CNTNAP5: variants seen among roughly 807,000 people sequenced by gnomAD.
CNTNAP5 encodes contactin-associated protein-like 5.
Under a neutral mutation model 150.2 loss-of-function variants are expected in CNTNAP5, and 72 were observed. That is an observed-to-expected ratio of 0.48 (90% CI 0.40 to 0.58). CNTNAP5 has a LOEUF of 0.58. Among genes scored for constraint, CNTNAP5 ranks in the 20% least tolerant of loss-of-function variants. The pLI, the probability that CNTNAP5 is intolerant of heterozygous loss-of-function variation, is 0.00. For synonymous variants in CNTNAP5, 672 were observed against 619.8 expected (o/e 1.08, Z -1.25); for missense variants, 1,636 against 1,626.2 (o/e 1.01, Z -0.10).
rs188458215 is a variant in CNTNAP5, at chr2:124,794,759, T to A, written c.2993-3337T>A. Reference sequence around the variant, plus strand: ...TTACAAACTCATGATCATTTTTATTTCATCGGTACACTCACCTCCTATCCT... The same window carrying A: ...TTACAAACTCATGATCATTTTTATTACATCGGTACACTCACCTCCTATCCT... On this transcript the variant is annotated intron_variant, in intron 18 of 23. Coordinates refer to ENST00000682447, the MANE Select transcript of CNTNAP5 (RefSeq NM_001367498.1). 4.0e-3 allele frequency among the ~76,000 whole-genome samples: 616 copies of A among 152,276 alleles called. 3 individuals are homozygous for A. Among genetic ancestry groups the A allele is most frequent in the African/African-American group, 0.012 (505 of 41,566 alleles).
intron 19 of CNTNAP5, among the ~76,000 whole-genome samples, chr2:124,828,437 T>C (rs2104677894): frequency 6.6e-6 from 1 of 152,030 alleles, no homozygotes; most frequent in Non-Finnish European, 1.5e-5. Flanking sequence ...GCTGAGATCG[T>C]GCCACTGCAC....
chr2:124,327,622 A>C (rs1468056384), intron 3 of CNTNAP5, among the ~76,000 whole-genome samples: 2 of 152,174 alleles, frequency 1.3e-5, no homozygotes, highest in South Asian at 2.1e-4. Flanking sequence ...GGTCTCCACA[A>C]CTCCTTATTG....
intron 3 of CNTNAP5, among the ~76,000 whole-genome samples, chr2:124,262,736 G>T (rs1687490240): frequency 6.6e-6 from 1 of 151,444 alleles, no homozygotes; most frequent in African/African-American, 2.4e-5. Flanking sequence ...TGCCATGTTG[G>T]TGTGCTGCAC....
intron 1 of CNTNAP5, among the ~76,000 whole-genome samples, chr2:124,132,456 G>T (rs1033617542): frequency 3.9e-5 from 6 of 152,078 alleles, no homozygotes; most frequent in Non-Finnish European, 5.9e-5. Context: ...CCATTAATCT[G>T]GTTGTATTAT....
At chr2:124,418,962 G>T (rs1190982918) in intron 4 of CNTNAP5, among the ~76,000 whole-genome samples, 1 of 148,946 alleles carries the variant, frequency 6.7e-6, no homozygotes, top group Non-Finnish European at 1.5e-5. Flanking sequence ...GTGAAACCCC[G>T]TCTCTACTAA....
At chr2:124,450,556 C>CA (rs11299541) in intron 6 of CNTNAP5, among the ~76,000 whole-genome samples, 6,925 of 64,250 alleles carry the variant, frequency 0.11, 340 homozygotes, top group Non-Finnish European at 0.12. Flanking sequence ...AATCTGCTGT[C>CA]AAAAAAAAAA....
At chr2:124,272,658 T>C (rs780034) in intron 3 of CNTNAP5, among the ~76,000 whole-genome samples, 44,963 of 152,098 alleles carry the variant, frequency 0.3, 7,230 homozygotes, top group Admixed American at 0.38. Flanking sequence ...ATTAGCTATA[T>C]GCTGATCAGA....
At chr2:124,104,056 A>C (rs1683121172) in intron 1 of CNTNAP5, among the ~76,000 whole-genome samples, 1 of 148,788 alleles carries the variant, frequency 6.7e-6, no homozygotes, top group Non-Finnish European at 1.5e-5. Context: ...TCTATATTAT[A>C]TATAGATTAT....
intron 1 of CNTNAP5, among the ~76,000 whole-genome samples, chr2:124,124,368 G>A (rs1247880221): frequency 6.6e-6 from 1 of 152,174 alleles, no homozygotes; most frequent in Admixed American, 6.5e-5. Context: ...GAGAAAAAAA[G>A]AGTAAGAAGA....
intron 21 of CNTNAP5, among the ~76,000 whole-genome samples, chr2:124,888,758 G>GATC (rs1678131966): frequency 6.6e-6 from 1 of 151,980 alleles, no homozygotes; most frequent in Admixed American, 6.6e-5. Context: ...AGAAATGTCT[G>GATC]ATCATGTCCT....
intron 1 of CNTNAP5, among the ~76,000 whole-genome samples, chr2:124,118,704 T>C (rs527390580): frequency 6.6e-6 from 1 of 152,228 alleles, no homozygotes; most frequent in African/African-American, 2.4e-5. Context: ...GAGAGACACG[T>C]AAGGGAGAGG....
chr2:124,756,214 G>A (rs1398454681), intron 14 of CNTNAP5, among the ~76,000 whole-genome samples: 2 of 152,164 alleles, frequency 1.3e-5, no homozygotes, highest in East Asian at 1.9e-4. Flanking sequence ...AAACCACAAT[G>A]AGATACCATC....
At chr2:124,548,251 AGG>A (rs899412921) in intron 10 of CNTNAP5, among the ~76,000 whole-genome samples, 1 of 152,208 alleles carries the variant, frequency 6.6e-6, no homozygotes, top group Non-Finnish European at 1.5e-5. Flanking sequence ...GCACGATGTC[AGG>A]GGCCAATTAA....
chr2:124,491,766 T>C (rs1694034531), intron 7 of CNTNAP5, among the ~76,000 whole-genome samples: 1 of 151,988 alleles, frequency 6.6e-6, no homozygotes, highest in East Asian at 1.9e-4. Context: ...TTTTTTTTTT[T>C]CTTTTGGATA....
At chr2:124,784,703 C>T (rs528900978) in intron 17 of CNTNAP5, among the ~76,000 whole-genome samples, 2 of 152,246 alleles carry the variant, frequency 1.3e-5, no homozygotes, top group South Asian at 4.2e-4. Context: ...TGACCCAAAT[C>T]GTCTAATATT....
At chr2:124,546,876 C>G (rs1480714572) in intron 10 of CNTNAP5, among the ~76,000 whole-genome samples, 1 of 152,110 alleles carries the variant, frequency 6.6e-6, no homozygotes, top group African/African-American at 2.4e-5. Flanking sequence ...TGATACTTGT[C>G]TTACAAGATT....
At position 124,917,549 on chromosome 2, in the gene CNTNAP5, G is replaced by A. The variant is rs186431830; in HGVS notation, c.*3261G>A. 3.9e-5 allele frequency among the ~76,000 whole-genome samples: 6 copies of A among 152,060 alleles called. No individual in the cohort carries two copies. Among genetic ancestry groups the A allele is most frequent in the East Asian group, 3.9e-4 (2 of 5,142 alleles). ...TGCAGAAGATTTTAAGGATCCTAGC[G>A]GTGATGTTTTAAAACAACTTTTTTC... On this transcript the variant is annotated 3_prime_UTR_variant, in exon 24 of 24. Coordinates refer to ENST00000682447, the MANE Select transcript of CNTNAP5 (RefSeq NM_001367498.1).
intron 13 of CNTNAP5, among the ~76,000 whole-genome samples, chr2:124,690,275 G>A (rs1015667647): frequency 1.1e-4 from 17 of 151,886 alleles, no homozygotes; most frequent in African/African-American, 4.1e-4. Context: ...GATTCAAGTG[G>A]TCTTACTACA....
intron 12 of CNTNAP5, among the ~76,000 whole-genome samples, chr2:124,627,298 G>T (rs1677747475): frequency 6.6e-6 from 1 of 152,150 alleles, no homozygotes; most frequent in Non-Finnish European, 1.5e-5. Flanking sequence ...CCCAACAGGG[G>T]TCACCAGAAA....
Sources: gnomAD v4.1 joint callset for allele counts (sites outside exome capture counted in the v4.1 genomes callset) on GRCh38, gnomAD v4.1.1 for gene constraint, MANE v1.5 for transcripts, NCBI Gene and HGNC (gene_info 2026-07-23, HGNC 2026-07-21) for gene names.